TIAM2: variants seen among roughly 807,000 people sequenced by gnomAD.
The protein encoded by TIAM2 is TIAM Rac1 associated GEF 2.
In TIAM2, 80 loss-of-function variants were observed where a neutral mutation model predicts 152.9. That is an observed-to-expected ratio of 0.52 (90% CI 0.44 to 0.63). The LOEUF is 0.63. TIAM2 is among the 30% of genes least tolerant of loss of function. The probability of loss-of-function intolerance (pLI) is 0.00; values close to 1 mark genes in which losing one functional copy is unlikely to be tolerated. For synonymous variants in TIAM2, 804 were observed against 838.0 expected (o/e 0.96, Z 0.70); for missense variants, 1,965 against 2,120.1 (o/e 0.93, Z 1.44).
chr6:155,049,387 T>C (rs533416824), intron 1 of TIAM2, among the ~76,000 whole-genome samples: 2 of 152,272 alleles, frequency 1.3e-5, no homozygotes, highest in East Asian at 1.9e-4. Flanking sequence ...CTGGACTTTA[T>C]TGCAGCCTTA....
rs1294719380 is a variant in TIAM2, at chr6:155,127,598, C to T, written c.-9C>T. On this transcript the variant is annotated splice_region_variant and 5_prime_UTR_variant, in exon 3 of 27. Transcript: ENST00000682666. ...CTCCCTCACAGCAGAAACTAGACGT[C>T]AGGTAAACCCAACCCTTGTGCCTGG... The T allele has an allele frequency of 4.4e-6, 2 of 455,914 alleles. No individual in the cohort carries two copies. Among genetic ancestry groups the T allele is most frequent in the East Asian group, 6.9e-5 (1 of 14,408 alleles). 28.2% of individuals were successfully genotyped at this position (455,914 alleles called of 1,614,324 possible).
intron 23 of TIAM2, 36 bp from the exon 24 acceptor site, chr6:155,252,912 C>G (rs750463818): frequency 6.4e-7 from 1 of 1,573,470 alleles, no homozygotes; most frequent in Non-Finnish European, 8.7e-7. Context: ...GTGACAGCTT[C>G]CCTAACACTT....
chr6:155,211,872 C>T lies in TIAM2; in HGVS notation c.3168+565C>T, dbSNP rs546710237. 5.3e-5 allele frequency among the ~76,000 whole-genome samples: 8 copies of T among 152,180 alleles called. No homozygotes were observed. In the East Asian group the frequency reaches 9.6e-4, roughly 18 times the overall value. On this transcript the variant is annotated intron_variant, in intron 15 of 26. Coordinates refer to ENST00000682666, the MANE Select transcript of TIAM2 (RefSeq NM_012454.4). ...TCTGTACCCCTTAAACAATAACTCTCTATTTCCCCTGCTTTCAACTCCCTC... is the reference window on the plus strand; with the variant it reads ...TCTGTACCCCTTAAACAATAACTCTTTATTTCCCCTGCTTTCAACTCCCTC...
chr6:155,216,936 G>C, intron 15 of TIAM2: 1 of 1,206,118 alleles, frequency 8.3e-7, no homozygotes, highest in Non-Finnish European at 1.0e-6. Flanking sequence ...TTGTGAATGT[G>C]ACTTGGAAGA....
chr6:155,047,228 T>G (rs1443577795), intron 1 of TIAM2, among the ~76,000 whole-genome samples: 1 of 152,144 alleles, frequency 6.6e-6, no homozygotes, highest in African/African-American at 2.4e-5. Flanking sequence ...AGGCTGTATG[T>G]AGTGCAGTGG....
intron 13 of TIAM2, 41 bp downstream of exon 13, chr6:155,182,359 A>G: frequency 2.7e-6 from 4 of 1,501,176 alleles, no homozygotes; most frequent in Non-Finnish European, 3.7e-6. Flanking sequence ...TCTTAATTTG[A>G]AACTGTGGGA....
At chr6:155,055,608 A>G (rs1777427869) in intron 1 of TIAM2, among the ~76,000 whole-genome samples, 1 of 152,080 alleles carries the variant, frequency 6.6e-6, no homozygotes, top group Non-Finnish European at 1.5e-5. Context: ...CTATAAGGGG[A>G]CAAAAATTGG....
chr6:155,224,365 T>G (rs1407726868), intron 15 of TIAM2, among the ~76,000 whole-genome samples: 1 of 152,180 alleles, frequency 6.6e-6, no homozygotes, highest in African/African-American at 2.4e-5. Flanking sequence ...TAGATGTGTC[T>G]GGAGTTGAGG....
chr6:155,242,477 A>C (rs1301716697), intron 16 of TIAM2, among the ~76,000 whole-genome samples: 7 of 152,160 alleles, frequency 4.6e-5, no homozygotes, highest in African/African-American at 9.7e-5. Context: ...TGGTGAGGGA[A>C]GGCCAGGGAG....
intron 15 of TIAM2, among the ~76,000 whole-genome samples, chr6:155,232,079 T>TCAAAAA (rs1391224010): frequency 3.5e-5 from 5 of 140,918 alleles, no homozygotes; most frequent in South Asian, 2.3e-4. Context: ...AGACTCTGTC[T>TCAAAAA]CAAAAACAAA....
chr6:155,229,962 T>A (rs1782392826), intron 15 of TIAM2, among the ~76,000 whole-genome samples: 1 of 151,940 alleles, frequency 6.6e-6, no homozygotes, highest in Admixed American at 6.6e-5. Context: ...CCCACCCCCA[T>A]GATTCAATTA....
At chr6:155,223,527 C>CTTTTTTTTTTTTTTTTTTTTTT (rs11385281) in intron 15 of TIAM2, among the ~76,000 whole-genome samples, 1 of 130,872 alleles carries the variant, frequency 7.6e-6, no homozygotes, top group Non-Finnish European at 1.6e-5. Context: ...ATTTTTTTTT[C>CTTTTTTTTTTTTTTTTTTTTTT]TTTTTTTTTT....
At chr6:155,149,465 G>A (rs1214594374) in intron 7 of TIAM2, among the ~76,000 whole-genome samples, 1 of 151,824 alleles carries the variant, frequency 6.6e-6, no homozygotes, top group Non-Finnish European at 1.5e-5. Context: ...GTTTCTTTAG[G>A]AAAAAAAATT....
chr6:155,254,470 G>A lies in TIAM2; in HGVS notation c.4365G>A (p.Arg1455=). The A allele has an allele frequency of 6.2e-7, 1 of 1,614,134 alleles. No individual in the cohort carries two copies. The highest frequency in any genetic ancestry group is 8.5e-7 in the Non-Finnish European group (1 of 1,180,006). The change falls in exon 26 of 27, where the codon AGG becomes AGA. Residue 1455 remains arginine, a synonymous_variant. Coordinates refer to ENST00000682666, the MANE Select transcript of TIAM2 (RefSeq NM_012454.4). ...TTAAGGTGATTCGTTCTATTCTGAG[G>A]GAGAACTTCAGGCGTCACATAAAGT... The part of the protein sequence containing the change: ...NIVKVIRSIL[R]ENFRRHIKCE...
intron 1 of TIAM2, among the ~76,000 whole-genome samples, chr6:154,999,865 G>A (rs945534791): frequency 1.1e-4 from 17 of 151,812 alleles, no homozygotes; most frequent in Non-Finnish European, 1.2e-4. Flanking sequence ...TTTTAGTACA[G>A]ACGGGGTTTC....
At chr6:155,148,027 A>C in intron 6 of TIAM2, 83 bp from the exon 7 acceptor site, 1 of 1,386,800 alleles carries the variant, frequency 7.2e-7, no homozygotes, top group Non-Finnish European at 1.0e-6. Flanking sequence ...TGGGTTTTGT[A>C]CATCTAAGCC....
At chr6:155,146,210 C>T (rs146212077) in intron 6 of TIAM2, among the ~76,000 whole-genome samples, 149 of 152,198 alleles carry the variant, frequency 9.8e-4, no homozygotes, top group African/African-American at 3.3e-3. Context: ...GGCCCCATCT[C>T]TACGAAAGAA....
chr6:155,225,453 C>T (rs747912889), intron 15 of TIAM2, among the ~76,000 whole-genome samples: 4 of 152,152 alleles, frequency 2.6e-5, no homozygotes, highest in Non-Finnish European at 4.4e-5. Context: ...AGTAATACAA[C>T]GTGAGGCTTA....
chr6:155,256,196 TAAG>T (rs967821817), intron 26 of TIAM2: 9 of 549,100 alleles, frequency 1.6e-5, no homozygotes, highest in Non-Finnish European at 2.5e-5. Context: ...CTTGGCAAAA[TAAG>T]AATCTTAGCC....
Sources: allele counts gnomAD v4.1 joint callset (sites outside exome capture counted in the v4.1 genomes callset), GRCh38; gene constraint gnomAD v4.1.1; transcripts MANE v1.5; gene names NCBI Gene and HGNC (gene_info 2026-07-23, HGNC 2026-07-21).